FER1L6: variants seen among roughly 807,000 people sequenced by gnomAD.
FER1L6 encodes the protein fer-1-like protein 6.
Under a neutral mutation model 219.2 loss-of-function variants are expected in FER1L6, and 177 were observed. That is an observed-to-expected ratio of 0.81 (90% CI 0.71 to 0.91). FER1L6 has a LOEUF of 0.91. Ranked by LOEUF, FER1L6 falls within the 40% of genes least tolerant of loss-of-function variation. The pLI is 0.00. For missense variants in FER1L6, 2,153 were observed against 2,259.9 expected (o/e 0.95, Z 0.96); for synonymous variants, 768 against 824.3 (o/e 0.93, Z 1.17).
Position 124,032,100 on chromosome 8 carries a change from G to GT in FER1L6, c.2287-3171dup, listed in dbSNP as rs1328100094. 2.2e-4 allele frequency among the ~76,000 whole-genome samples: 34 copies of GT among 151,932 alleles called. No individual in the cohort carries two copies. The East Asian group carries it at 6.4e-3, about 29-fold the overall frequency. On this transcript the variant is annotated intron_variant, in intron 18 of 40. Coordinates refer to ENST00000522917, the MANE Select transcript of FER1L6 (RefSeq NM_001039112.2). ...TTTAGTAGCAGTAGAAATGAATGAT[G>GT]TTTTTTGTCATTGTTTTGTTTTACT...
At chr8:123,963,912 T>C (rs1482955607) in intron 3 of FER1L6, among the ~76,000 whole-genome samples, 1 of 152,212 alleles carries the variant, frequency 6.6e-6, no homozygotes, top group African/African-American at 2.4e-5. Context: ...ATTAGTTGGA[T>C]AGTTTTGCTG....
chr8:123,930,593 C>G (rs1298193315), intron 1 of FER1L6, among the ~76,000 whole-genome samples: 1 of 152,114 alleles, frequency 6.6e-6, no homozygotes, highest in Non-Finnish European at 1.5e-5. Flanking sequence ...ATCTCCTGTG[C>G]TCAGGGAGGG....
intron 18 of FER1L6, among the ~76,000 whole-genome samples, chr8:124,031,957 T>A (rs1818987036): frequency 6.6e-6 from 1 of 152,230 alleles, no homozygotes; most frequent in Non-Finnish European, 1.5e-5. Flanking sequence ...TTGCATATAT[T>A]TTTTTAAATG....
At chr8:123,977,167 A>G (rs1816114061) in intron 9 of FER1L6, among the ~76,000 whole-genome samples, 1 of 152,226 alleles carries the variant, frequency 6.6e-6, no homozygotes, top group South Asian at 2.1e-4. Context: ...CAGAACTCCC[A>G]TTCCCCAATA....
At position 124,064,395 on chromosome 8, in the gene FER1L6, CCTCCCAG is replaced by C; in HGVS notation, c.3378_3384del (p.Ser1127IlefsTer46). On this transcript the variant is annotated frameshift_variant, in exon 26 of 41. Coordinates refer to ENST00000522917, the MANE Select transcript of FER1L6 (RefSeq NM_001039112.2). LOFTEE classifies it high-confidence loss of function. ...ACTGAGTCCTCTGGAGCCCACAGCT[CCTCCCAG>C]GATCCCCCAGCAGATCACATTTATG... is the stretch of plus-strand genomic sequence containing the variant. 6.2e-7 allele frequency: 1 copy of C among 1,613,170 alleles called. No individual in the cohort carries two copies. Among genetic ancestry groups the C allele is most frequent in the Non-Finnish European group, 8.5e-7 (1 of 1,179,768 alleles).
intron 18 of FER1L6, among the ~76,000 whole-genome samples, chr8:124,028,279 T>G (rs1343559516): frequency 6.6e-6 from 1 of 152,254 alleles, no homozygotes; most frequent in Non-Finnish European, 1.5e-5. Context: ...GCAGTAGCTT[T>G]CTGGATCTTG....
At chr8:123,880,520 T>C (rs900526952) in intron 1 of FER1L6, among the ~76,000 whole-genome samples, 1 of 152,138 alleles carries the variant, frequency 6.6e-6, no homozygotes, top group Non-Finnish European at 1.5e-5. Flanking sequence ...CACTGAGTGG[T>C]CCCACCACCC....
At position 123,973,508 on chromosome 8, in the gene FER1L6, A is replaced by G. The variant is rs768337380; in HGVS notation, c.522A>G (p.Gln174=). 3 of 1,611,482 alleles carry G rather than the reference A, an allele frequency of 1.9e-6. No individual in the cohort carries two copies. The highest frequency in any genetic ancestry group is 2.5e-6 in the Non-Finnish European group (3 of 1,177,744). The stretch of plus-strand genomic sequence containing the variant: ...TAGACCTGGGGACCGTGTACAACCA[A>G]CCTGGTAAGAAAACATCACCTCCCC... The part of the protein sequence containing the change: ...FKVDLGTVYN[Q]PGHQFCNKWA... Residue 174 remains glutamine (Q), a synonymous_variant, in exon 7 of 41, where the codon CAA becomes CAG. Transcript: ENST00000522917.
chr8:123,973,794 A>T (rs947146233), intron 7 of FER1L6, among the ~76,000 whole-genome samples: 2 of 152,208 alleles, frequency 1.3e-5, no homozygotes, highest in Non-Finnish European at 2.9e-5. Flanking sequence ...CTAAGAATAC[A>T]GACTCTGGAG....
intron 18 of FER1L6, among the ~76,000 whole-genome samples, chr8:124,034,492 G>A (rs1053721142): frequency 1.3e-5 from 2 of 152,106 alleles, no homozygotes; most frequent in African/African-American, 4.8e-5. Context: ...CATACATGTG[G>A]ACATGCACAC....
intron 2 of FER1L6, among the ~76,000 whole-genome samples, chr8:123,959,055 A>G (rs1291614137): frequency 6.6e-6 from 1 of 152,134 alleles, no homozygotes; most frequent in African/African-American, 2.4e-5. Flanking sequence ...GTGCAATGGA[A>G]AGCCATTGAG....
intron 32 of FER1L6, among the ~76,000 whole-genome samples, chr8:124,078,725 G>A (rs1368114730): frequency 2.6e-5 from 4 of 152,172 alleles, no homozygotes; most frequent in Non-Finnish European, 5.9e-5. Context: ...GGGATGGGTG[G>A]GAAGGGATGG....
At chr8:123,978,815 C>A (rs1297768243) in intron 10 of FER1L6, among the ~76,000 whole-genome samples, 1 of 152,042 alleles carries the variant, frequency 6.6e-6, no homozygotes, top group Non-Finnish European at 1.5e-5. Context: ...ATAGAGAGGC[C>A]TCAGTAAATA....
At chr8:123,999,856 G>A (rs1436732133) in intron 12 of FER1L6, among the ~76,000 whole-genome samples, 1 of 152,072 alleles carries the variant, frequency 6.6e-6, no homozygotes, top group African/African-American at 2.4e-5. Context: ...ATGAAGTGTT[G>A]GGGGAAGAGT....
chr8:123,974,961 G>T (rs1392040865), intron 7 of FER1L6, among the ~76,000 whole-genome samples, 189 bp from the exon 8 acceptor site: 2 of 152,096 alleles, frequency 1.3e-5, no homozygotes, highest in East Asian at 3.9e-4. Flanking sequence ...ATGGAGAACT[G>T]GTAGGAAGCA....
At chr8:124,060,407 C>T in intron 23 of FER1L6, 117 bp downstream of exon 23, 1 of 1,426,988 alleles carries the variant, frequency 7.0e-7, no homozygotes, top group Non-Finnish European at 9.7e-7. Flanking sequence ...AGAATGAGCC[C>T]TCAAAAAGCT....
rs543192766 is a variant in FER1L6, at chr8:123,980,577, A to T, written c.1176A>T (p.Ser392=). ...ACGAAGGCTTTGGGGAAGGTGTGTCATTCAGGGGCAGAATCTTGGTAGAAA... is the reference window on the plus strand; with the variant it reads ...ACGAAGGCTTTGGGGAAGGTGTGTCTTTCAGGGGCAGAATCTTGGTAGAAA... ...EMNEGFGEGV[S]FRGRILVEIA... Residue 392 remains serine, a synonymous_variant, in exon 11 of 41, where the codon TCA becomes TCT. Coordinates refer to ENST00000522917, the MANE Select transcript of FER1L6 (RefSeq NM_001039112.2). The T allele has an allele frequency of 3.1e-6, 5 of 1,614,186 alleles. No homozygotes were observed. Among genetic ancestry groups the T allele is most frequent in the Non-Finnish European group, 4.2e-6 (5 of 1,180,012 alleles).
intron 1 of FER1L6, among the ~76,000 whole-genome samples, chr8:123,944,297 T>C (rs1039587165): frequency 1.3e-5 from 2 of 148,656 alleles, no homozygotes; most frequent in African/African-American, 2.4e-5. Context: ...ATATATATTA[T>C]ATATTTAATA....
At chr8:123,985,258 A>G (rs1445388631) in intron 11 of FER1L6, 1 of 152,190 alleles carries the variant, frequency 6.6e-6, no homozygotes, top group African/African-American at 2.4e-5. Context: ...GTTGGAGTAG[A>G]TGAACTCGAA....
Sources: allele counts gnomAD v4.1 joint callset (sites outside exome capture counted in the v4.1 genomes callset), GRCh38; gene constraint gnomAD v4.1.1; transcripts MANE v1.5; gene names NCBI Gene and HGNC (gene_info 2026-07-23, HGNC 2026-07-21).